KIAA1217: variants seen among roughly 807,000 people sequenced by gnomAD.
KIAA1217 encodes the protein sickle tail protein homolog.
In KIAA1217, 88 loss-of-function variants were observed where a neutral mutation model predicts 163.9. The observed-to-expected ratio is 0.54, with a 90% CI of 0.45 to 0.64. KIAA1217 has a LOEUF of 0.64. Among genes scored for constraint, KIAA1217 ranks in the 30% least tolerant of loss-of-function variants. The pLI is 0.00. For missense variants in KIAA1217, 2,372 were observed against 2,475.0 expected (o/e 0.96, Z 0.88); for synonymous variants, 903 against 923.1 (o/e 0.98, Z 0.39).
rs75851731 is a variant in KIAA1217, at chr10:24,038,018, C to T, written c.-171+30644C>T. On this transcript the variant is annotated intron_variant, in intron 2 of 18. Coordinates refer to the KIAA1217 transcript ENST00000376462. ...GTTAGGAATGAGGTAAGGATAGAAACAAATTAATAAAACCTCTCTTCTTTA... is the reference window on the plus strand; with the variant it reads ...GTTAGGAATGAGGTAAGGATAGAAATAAATTAATAAAACCTCTCTTCTTTA... Among the ~76,000 whole-genome samples the T allele has an allele frequency of 8.5e-5, 13 of 152,290 alleles. No individual in the cohort carries two copies. In the East Asian group the frequency reaches 2.5e-3, roughly 29 times the overall value.
At chr10:23,725,761 C>T (rs900279832) in intron 1 of KIAA1217, among the ~76,000 whole-genome samples, 2 of 152,180 alleles carry the variant, frequency 1.3e-5, no homozygotes, top group Non-Finnish European at 2.9e-5. Flanking sequence ...CAGAGACTAG[C>T]ATTTTACTGT....
At chr10:23,860,223 T>C (rs1839888811) in intron 1 of KIAA1217, among the ~76,000 whole-genome samples, 1 of 148,218 alleles carries the variant, frequency 6.7e-6, no homozygotes, top group Non-Finnish European at 1.5e-5. Context: ...TTAATGCAGC[T>C]GAGGTAAATG....
chr10:24,223,711 CTTTTT>C (rs535787368), intron 2 of KIAA1217, among the ~76,000 whole-genome samples: 75 of 128,480 alleles, frequency 5.8e-4, no homozygotes, highest in African/African-American at 2.1e-3. Context: ...AATCTAGGTT[CTTTTT>C]TTTTTTTTTT....
intron 2 of KIAA1217, among the ~76,000 whole-genome samples, chr10:24,285,420 A>G (rs1199450987): frequency 6.6e-6 from 1 of 152,180 alleles, no homozygotes. Flanking sequence ...ATAAGTAGAG[A>G]TCCAGTTTCA....
chr10:24,170,214 C>T (rs1035268859), intron 2 of KIAA1217, among the ~76,000 whole-genome samples: 3 of 152,198 alleles, frequency 2.0e-5, no homozygotes, highest in Non-Finnish European at 4.4e-5. Context: ...CAATATTTTG[C>T]AGCACTGGTT....
Position 24,544,057 on chromosome 10 carries a change from G to A in KIAA1217, c.4787G>A (p.Gly1596Glu). 3 of 1,614,106 alleles carry A rather than the reference G, an allele frequency of 1.9e-6. 1 individual carries two copies. The highest frequency in any genetic ancestry group is 3.3e-4 in the Middle Eastern group (2 of 6,062). ...TQAIRTGTKTGKKTLQVVVYE... is the reference protein window; with the variant it reads ...TQAIRTGTKTEKKTLQVVVYE... ...GCCATTCGCACCGGAACTAAAACAG[G>A]GAAGAAGACTTTGCAAGTGGTAGTC... The change falls in exon 19 of 21, where the codon GGG (glycine) becomes GAG (glutamate). Residue 1596 changes from glycine to glutamate, a missense_variant. Coordinates refer to ENST00000376454, the MANE Select transcript of KIAA1217 (RefSeq NM_019590.5).
At chr10:24,473,135 A>G (rs773077492) in intron 5 of KIAA1217, 93 bp from the exon 6 acceptor site, 118 of 843,654 alleles carry the variant, frequency 1.4e-4, no homozygotes, top group Middle Eastern at 4.6e-4. Context: ...GGGTGTATAC[A>G]TCTTGCAGGG....
intron 1 of KIAA1217, among the ~76,000 whole-genome samples, chr10:23,952,870 A>C (rs940278517): frequency 1.3e-5 from 2 of 152,226 alleles, no homozygotes; most frequent in African/African-American, 4.8e-5. Context: ...TGGTCATTTC[A>C]AGCATGAGGA....
At chr10:24,144,191 A>G (rs1439797207) in intron 2 of KIAA1217, among the ~76,000 whole-genome samples, 3 of 152,252 alleles carry the variant, frequency 2.0e-5, no homozygotes, top group East Asian at 1.9e-4. Context: ...GCATTTTTCA[A>G]TATTCAACAA....
intron 1 of KIAA1217, among the ~76,000 whole-genome samples, chr10:23,700,178 A>G (rs1301807238): frequency 6.6e-6 from 1 of 152,076 alleles, no homozygotes; most frequent in Non-Finnish European, 1.5e-5. Context: ...TGGCAGCCCC[A>G]TTTTTGTCAT....
At chr10:23,795,625 A>G (rs1365147157) in intron 1 of KIAA1217, among the ~76,000 whole-genome samples, 1 of 152,218 alleles carries the variant, frequency 6.6e-6, no homozygotes, top group Non-Finnish European at 1.5e-5. Context: ...TATAGGTCAT[A>G]GGTAGATTCA....
Position 24,347,825 on chromosome 10 carries a change from G to T in KIAA1217, c.355-33044G>T, listed in dbSNP as rs1007327633. Among the ~76,000 whole-genome samples, 13 of 152,198 alleles carry T rather than the reference G, an allele frequency of 8.5e-5. No individual in the cohort carries two copies. The South Asian group carries it at 2.1e-3, about 24-fold the overall frequency. On this transcript the variant is annotated intron_variant, in intron 2 of 20. Coordinates refer to ENST00000376454, the MANE Select transcript of KIAA1217 (RefSeq NM_019590.5). Reference sequence around the variant, plus strand: ...CAAATAAAAAATGCATATATTTAAGGTGTATGACCTGACAATTTCATATAC... The same window carrying T: ...CAAATAAAAAATGCATATATTTAAGTTGTATGACCTGACAATTTCATATAC...
chr10:24,255,480 A>C (rs765819338), intron 2 of KIAA1217: 2 of 455,496 alleles, frequency 4.4e-6, no homozygotes, highest in South Asian at 3.1e-5. Flanking sequence ...CTGATGTTCC[A>C]TGCCACATCT....
intron 6 of KIAA1217, among the ~76,000 whole-genome samples, chr10:24,477,699 T>C (rs1405129706): frequency 6.6e-6 from 1 of 152,226 alleles, no homozygotes; most frequent in African/African-American, 2.4e-5. Flanking sequence ...AGCTAGTATA[T>C]TAGCACAATT....
intron 6 of KIAA1217, among the ~76,000 whole-genome samples, chr10:24,483,279 G>C (rs188763118): frequency 6.6e-6 from 1 of 152,090 alleles, no homozygotes; most frequent in African/African-American, 2.4e-5. Flanking sequence ...TGACCTCACA[G>C]CCACCCACTG....
intron 3 of KIAA1217, among the ~76,000 whole-genome samples, chr10:24,407,281 T>C (rs932822840): frequency 1.3e-5 from 2 of 148,162 alleles, no homozygotes; most frequent in Admixed American, 6.7e-5. Context: ...TGTGTGTGTG[T>C]GTGTGCGTGC....
intron 1 of KIAA1217, among the ~76,000 whole-genome samples, chr10:23,741,300 T>A (rs1296320632): frequency 6.6e-6 from 1 of 152,194 alleles, no homozygotes; most frequent in South Asian, 2.1e-4. Flanking sequence ...TCTTTAAAGA[T>A]CCTGGATCCA....
intron 2 of KIAA1217, among the ~76,000 whole-genome samples, chr10:24,114,567 A>G (rs1250873798): frequency 1.3e-5 from 2 of 152,218 alleles, no homozygotes; most frequent in African/African-American, 4.8e-5. Context: ...AGATCAGAAT[A>G]CAGTGCTGAC....
At chr10:24,361,861 G>C (rs2050057519) in intron 2 of KIAA1217, among the ~76,000 whole-genome samples, 1 of 151,632 alleles carries the variant, frequency 6.6e-6, no homozygotes, top group Non-Finnish European at 1.5e-5. Flanking sequence ...TGTAGTCCCA[G>C]CTACTCGGAA....
Sources: allele counts gnomAD v4.1 joint callset (sites outside exome capture counted in the v4.1 genomes callset), GRCh38; gene constraint gnomAD v4.1.1; transcripts MANE v1.5; gene names NCBI Gene and HGNC (gene_info 2026-07-23, HGNC 2026-07-21).